TAFA2: variants seen among roughly 807,000 people sequenced by gnomAD.
TAFA2 encodes TAFA chemokine like family member 2.
A neutral mutation model predicts 18.8 loss-of-function variants in TAFA2; 7 were observed. The observed-to-expected ratio is 0.37, with a 90% CI of 0.21 to 0.70. TAFA2 has a LOEUF of 0.70. Among genes scored for constraint, TAFA2 ranks in the 30% least tolerant of loss-of-function variants. TAFA2 has a pLI of 0.53. For missense variants in TAFA2, 122 were observed against 158.1 expected, an observed-to-expected ratio of 0.77 and a Z score of 1.23; for synonymous variants, 60 against 54.2, an observed-to-expected ratio of 1.11 and a Z score of -0.47.
intron 1 of TAFA2, among the ~76,000 whole-genome samples, chr12:62,141,053 C>T (rs2062236024): frequency 1.3e-5 from 2 of 152,164 alleles, no homozygotes; most frequent in Non-Finnish European, 2.9e-5. Context: ...TGTTCTAAGG[C>T]AGATTTCTTT....
intron 1 of TAFA2, among the ~76,000 whole-genome samples, chr12:62,214,381 A>G (rs1475732779): frequency 6.6e-6 from 1 of 152,074 alleles, no homozygotes; most frequent in African/African-American, 2.4e-5. Context: ...GCCTGCCACC[A>G]CCCATTTAAG....
At chr12:61,746,232 C>CT (rs1565618732) in intron 4 of TAFA2, among the ~76,000 whole-genome samples, 1 of 152,030 alleles carries the variant, frequency 6.6e-6, no homozygotes, top group African/African-American at 2.4e-5. Context: ...ATTTCCCTTG[C>CT]TTGCACTCAC....
intron 1 of TAFA2, among the ~76,000 whole-genome samples, chr12:61,993,625 G>C (rs1265580231): frequency 3.9e-5 from 6 of 152,160 alleles, no homozygotes; most frequent in Non-Finnish European, 7.4e-5. Flanking sequence ...AGAGCACAAA[G>C]AGTAGATGCC....
At chr12:62,046,392 A>G (rs548749655) in intron 1 of TAFA2, among the ~76,000 whole-genome samples, 1 of 152,234 alleles carries the variant, frequency 6.6e-6, no homozygotes, top group Non-Finnish European at 1.5e-5. Flanking sequence ...CGACTATACA[A>G]AAAGATATGC....
At chr12:61,948,528 A>C (rs1389077536) in intron 1 of TAFA2, among the ~76,000 whole-genome samples, 1 of 152,148 alleles carries the variant, frequency 6.6e-6, no homozygotes, top group Non-Finnish European at 1.5e-5. Context: ...CACTTTAAAG[A>C]TTGACTAATA....
chr12:61,916,212 G>A (rs901736273), intron 1 of TAFA2, among the ~76,000 whole-genome samples: 2 of 152,166 alleles, frequency 1.3e-5, no homozygotes, highest in East Asian at 1.9e-4. Context: ...GAGAATATAT[G>A]TAATAAGAGC....
intron 1 of TAFA2, 111 bp from the exon 2 acceptor site, chr12:61,867,537 A>G (rs1874411501): frequency 1.6e-6 from 1 of 631,864 alleles, no homozygotes; most frequent in Non-Finnish European, 2.8e-6. Flanking sequence ...TCAACTTCTG[A>G]AAACTGTATT....
intron 1 of TAFA2, among the ~76,000 whole-genome samples, chr12:62,055,319 A>G (rs1882160373): frequency 6.6e-6 from 1 of 152,244 alleles, no homozygotes; most frequent in Non-Finnish European, 1.5e-5. Context: ...AGCAGTCAAT[A>G]TTTAGCCCAT....
intron 1 of TAFA2, among the ~76,000 whole-genome samples, chr12:62,217,377 T>A (rs2062740012): frequency 6.6e-6 from 1 of 151,838 alleles, no homozygotes; most frequent in Non-Finnish European, 1.5e-5. Flanking sequence ...AAGTAAGGAG[T>A]TACACACCAT....
intron 1 of TAFA2, among the ~76,000 whole-genome samples, chr12:62,006,053 A>G (rs10431508): frequency 0.13 from 19,476 of 152,110 alleles, 1,673 homozygotes; most frequent in East Asian, 0.37. Context: ...GCTTTATTGT[A>G]TTTCTTTCTT....
chr12:62,164,374 A>G (rs2062425675), intron 1 of TAFA2, among the ~76,000 whole-genome samples: 1 of 152,156 alleles, frequency 6.6e-6, no homozygotes, highest in South Asian at 2.1e-4. Context: ...AAAGCCAGGC[A>G]GCCTTACTGA....
intron 1 of TAFA2, among the ~76,000 whole-genome samples, chr12:62,042,221 T>C (rs1881776000): frequency 6.6e-6 from 1 of 151,890 alleles, no homozygotes; most frequent in Non-Finnish European, 1.5e-5. Flanking sequence ...AGCACGTAAA[T>C]ACTCAACTCT....
intron 4 of TAFA2, among the ~76,000 whole-genome samples, chr12:61,713,088 T>C (rs1468230159): frequency 6.6e-6 from 1 of 152,186 alleles, no homozygotes; most frequent in Admixed American, 6.5e-5. Context: ...AGCTTCCTCC[T>C]TACATATTTT....
At chr12:61,789,071 A>C (rs1050772017) in intron 2 of TAFA2, among the ~76,000 whole-genome samples, 3 of 151,536 alleles carry the variant, frequency 2.0e-5, no homozygotes, top group African/African-American at 4.8e-5. Flanking sequence ...GATTGCAAAA[A>C]TTTTCTCCCA....
chr12:61,906,712 A>G (rs1239941209), intron 1 of TAFA2, among the ~76,000 whole-genome samples: 1 of 152,168 alleles, frequency 6.6e-6, no homozygotes, highest in Non-Finnish European at 1.5e-5. Flanking sequence ...TCTTCCTGGA[A>G]ACTGGTTGAA....
At chr12:62,035,733 C>CTTTT (rs34859628) in intron 1 of TAFA2, among the ~76,000 whole-genome samples, 3,821 of 60,244 alleles carry the variant, frequency 0.063, 640 homozygotes, top group African/African-American at 0.096. Context: ...ATGATTCTTT[C>CTTTT]TTTTTTTTTT....
chr12:61,862,837 AAT>A (rs1264894433), intron 2 of TAFA2, among the ~76,000 whole-genome samples: 1 of 152,178 alleles, frequency 6.6e-6, no homozygotes, highest in Non-Finnish European at 1.5e-5. Flanking sequence ...TTCCCTCCTG[AAT>A]ACTTCCTATA....
Position 61,867,354 on chromosome 12 carries a change from C to A in TAFA2, c.72G>T (p.Trp24Cys). The A allele has an allele frequency of 6.2e-7, 1 of 1,609,138 alleles. No homozygotes were observed. The highest frequency in any genetic ancestry group is 1.1e-5 in the South Asian group (1 of 90,714). The change falls in exon 2 of 5, where the codon TGG (tryptophan) becomes TGT (cysteine). Residue 24 changes from tryptophan (W) to cysteine (C), a missense_variant. Physicochemically the swap from Trp to Cys is radical, Grantham distance 215. Coordinates refer to ENST00000416284, the MANE Select transcript of TAFA2 (RefSeq NM_178539.5). ...LLIIIFIVTL[W>C]GKVVSSANHH... ...GGTTTGCACTGGATACAACTTTCCCCCACAAGGTTACAATAAATATTATTA... is the reference window on the plus strand; with the variant it reads ...GGTTTGCACTGGATACAACTTTCCCACACAAGGTTACAATAAATATTATTA...
chr12:62,058,422 A>G (rs1035873030), intron 1 of TAFA2, among the ~76,000 whole-genome samples: 4 of 152,148 alleles, frequency 2.6e-5, no homozygotes, highest in Non-Finnish European at 5.9e-5. Context: ...TTATTTAGCC[A>G]TATTTATAGA....
Sources: allele counts gnomAD v4.1 joint callset (sites outside exome capture counted in the v4.1 genomes callset), GRCh38; gene constraint gnomAD v4.1.1; transcripts MANE v1.5; gene names NCBI Gene and HGNC (gene_info 2026-07-23, HGNC 2026-07-21).